Variants in KLRG1 observed in about 807,000 individuals in gnomAD.
KLRG1 encodes killer cell lectin like receptor G1.
In KLRG1, 16 loss-of-function variants were observed where a neutral mutation model predicts 21.8. The observed-to-expected ratio is 0.73, with a 90% CI of 0.50 to 1.11. KLRG1 has a LOEUF of 1.11. KLRG1 is among the 50% of genes most tolerant of loss of function. KLRG1 has a pLI of 0.00. For missense variants in KLRG1, 173 were observed against 218.3 expected, an observed-to-expected ratio of 0.79 and a Z score of 1.31; for synonymous variants, 69 against 75.9, an observed-to-expected ratio of 0.91 and a Z score of 0.47.
the KLRG1 span, among the ~76,000 whole-genome samples, chr12:9,025,292 A>G: frequency 6.6e-6 from 1 of 152,218 alleles, no homozygotes; most frequent in African/African-American, 2.4e-5. Context: ...ACAGTAACAC[A>G]TTTTGTAACT....
At chr12:9,212,189 C>T in the KLRG1 span, among the ~76,000 whole-genome samples, 8,809 of 152,250 alleles carry the variant, frequency 0.058, 341 homozygotes, top group Non-Finnish European at 0.085. Flanking sequence ...AGGCCTGCCT[C>T]TGGGTTCATG....
rs189929065 is a variant in KLRG1 at position 8,998,174 on chromosome 12, C to T, written c.357+2886C>T. On this transcript the variant is annotated intron_variant, in intron 3 of 4. Transcript: ENST00000356986. ...TGAAACCCCATCTCTGCTAAAAATA[C>T]AAAAATTAGCTAGGCGTGCTGTTAT... 1.8e-3 allele frequency among the ~76,000 whole-genome samples: 266 copies of T among 151,976 alleles called. 1 individual carries two copies. Among genetic ancestry groups the T allele is most frequent in the Non-Finnish European group, 3.0e-3 (206 of 67,938 alleles).
At chr12:9,007,473 A>T (rs1303478929) in intron 3 of KLRG1, among the ~76,000 whole-genome samples, 1 of 152,074 alleles carries the variant, frequency 6.6e-6, no homozygotes, top group Non-Finnish European at 1.5e-5. Flanking sequence ...TTTGTACCAC[A>T]TTCACCAGGC....
chr12:9,172,126 A>T, the KLRG1 span, among the ~76,000 whole-genome samples: 1 of 152,222 alleles, frequency 6.6e-6, no homozygotes, highest in Non-Finnish European at 1.5e-5. Flanking sequence ...GAAACATATC[A>T]TACTAACAGT....
chr12:9,091,897 C>G, the KLRG1 span, among the ~76,000 whole-genome samples: 1 of 152,156 alleles, frequency 6.6e-6, no homozygotes, highest in South Asian at 2.1e-4. Context: ...ATTAAATTTG[C>G]ACAAAATTTT....
At chr12:9,165,189 C>G in the KLRG1 span, 8 of 1,614,010 alleles carry the variant, frequency 5.0e-6, no homozygotes, top group Admixed American at 1.7e-5. Context: ...AGTGTGAAGA[C>G]CTCTCCACGA....
chr12:9,068,891 T>C, the KLRG1 span: 1 of 1,370,810 alleles, frequency 7.3e-7, no homozygotes, highest in African/African-American at 1.4e-5. Context: ...CTTTCTTCTC[T>C]CTTTGAATTA....
At chr12:9,065,837 T>C in the KLRG1 span, 3 of 152,146 alleles carry the variant, frequency 2.0e-5, no homozygotes, top group Non-Finnish European at 4.4e-5. Context: ...CTCAGCTAGA[T>C]TGGAAGAGAG....
At chr12:9,209,654 A>T in the KLRG1 span, among the ~76,000 whole-genome samples, 1 of 152,118 alleles carries the variant, frequency 6.6e-6, no homozygotes, top group Non-Finnish European at 1.5e-5. Context: ...CAAGACAAAT[A>T]TGGTTGGAGT....
chr12:9,023,643 A>G, the KLRG1 span, among the ~76,000 whole-genome samples: 1 of 150,772 alleles, frequency 6.6e-6, no homozygotes, highest in African/African-American at 2.4e-5. Context: ...CTGTAGTCTT[A>G]AACTCCTGGG....
chr12:9,079,491 A>G, the KLRG1 span: 3 of 1,028,374 alleles, frequency 2.9e-6, no homozygotes, highest in Admixed American at 7.0e-5. Context: ...GAGGTTGGAG[A>G]GTGGATAGTT....
chr12:9,166,139 A>G, the KLRG1 span: 1 of 1,613,980 alleles, frequency 6.2e-7, no homozygotes, highest in Non-Finnish European at 8.5e-7. Flanking sequence ...TTCATTATTT[A>G]AGGGTATCAC....
the KLRG1 span, among the ~76,000 whole-genome samples, chr12:9,082,176 G>T: frequency 8.7e-4 from 133 of 152,266 alleles, no homozygotes; most frequent in African/African-American, 3.1e-3. Context: ...CACAAGGGTG[G>T]GGTAGCAATC....
upstream of KLRG1, among the ~76,000 whole-genome samples, chr12:8,988,125 A>T (rs1159256353): frequency 6.6e-6 from 1 of 152,192 alleles, no homozygotes; most frequent in Non-Finnish European, 1.5e-5. Flanking sequence ...GTGAATTCCT[A>T]CAGTCTTAAG....
chr12:9,084,561 A>AAG, the KLRG1 span, among the ~76,000 whole-genome samples: 2,561 of 152,238 alleles, frequency 0.017, 77 homozygotes, highest in African/African-American at 0.059. Flanking sequence ...AAAATTTTAA[A>AAG]AGATTCAAAT....
At chr12:9,118,638 C>T in the KLRG1 span, among the ~76,000 whole-genome samples, 1 of 152,160 alleles carries the variant, frequency 6.6e-6, no homozygotes, top group African/African-American at 2.4e-5. Context: ...TATATCCTAA[C>T]CTTATTTTTC....
In KLRG1 at chr12:8,977,356, A is replaced by G. The variant is rs900430138; in HGVS notation, c.-155-14850A>G. 6.2e-5 allele frequency among the ~76,000 whole-genome samples: 9 copies of G among 145,490 alleles called. No homozygotes were observed. The Admixed American group carries it at 6.3e-4, about 10-fold the overall frequency. On this transcript the variant is annotated intron_variant, in intron 1 of 4. Coordinates refer to the KLRG1 transcript ENST00000539240. ...TTAGCTGGGACTACAGGTGCCCACCACCATGCCTGGCTAATTTTTTTTTTT... is the reference window on the plus strand; with the variant it reads ...TTAGCTGGGACTACAGGTGCCCACCGCCATGCCTGGCTAATTTTTTTTTTT...
At chr12:8,958,358 T>C (rs1304893865) in intron 1 of KLRG1, among the ~76,000 whole-genome samples, 1 of 152,244 alleles carries the variant, frequency 6.6e-6, no homozygotes, top group Non-Finnish European at 1.5e-5. Flanking sequence ...ATTGTATAAA[T>C]GTAGTTCTGT....
At chr12:9,152,779 G>A in the KLRG1 span, 2 of 1,583,700 alleles carry the variant, frequency 1.3e-6, no homozygotes, top group Non-Finnish European at 1.7e-6. Context: ...TTAATTCCAA[G>A]TTGCTTTTGG....
Sources: allele counts gnomAD v4.1 joint callset (sites outside exome capture counted in the v4.1 genomes callset), GRCh38; gene constraint gnomAD v4.1.1; transcripts MANE v1.5; gene names NCBI Gene and HGNC (gene_info 2026-07-23, HGNC 2026-07-21).